Variants in GPATCH2 observed in about 807,000 individuals in gnomAD.
The protein encoded by GPATCH2 is G patch domain-containing protein 2.
Under a neutral mutation model 58.0 loss-of-function variants are expected in GPATCH2, and 51 were observed. The ratio of observed to expected loss-of-function variants is 0.88; its 90% CI spans 0.70 to 1.11. The LOEUF (loss-of-function observed/expected upper bound fraction) is 1.11. Ranked by LOEUF, GPATCH2 falls within the 50% of genes most tolerant of loss-of-function variation. GPATCH2 has a pLI of 0.00. For missense variants in GPATCH2, 625 were observed against 652.2 expected, an observed-to-expected ratio of 0.96 and a Z score of 0.45; for synonymous variants, 222 against 218.5, an observed-to-expected ratio of 1.02 and a Z score of -0.14.
chr1:217,485,537 T>C (rs1270050817), intron 8 of GPATCH2, among the ~76,000 whole-genome samples: 1 of 151,896 alleles, frequency 6.6e-6, no homozygotes, highest in Non-Finnish European at 1.5e-5. Context: ...CTTTCTCCAC[T>C]GACTTTGTAA....
At chr1:217,566,212 T>C (rs896811585) in intron 5 of GPATCH2, among the ~76,000 whole-genome samples, 5 of 150,862 alleles carry the variant, frequency 3.3e-5, no homozygotes, top group East Asian at 2.0e-4. Context: ...CTTATAAATA[T>C]AGAAATTTTA....
At chr1:217,478,585 G>A (rs138977359) in intron 8 of GPATCH2, among the ~76,000 whole-genome samples, 2,018 of 152,132 alleles carry the variant, frequency 0.013, 30 homozygotes, top group Non-Finnish European at 0.018. Flanking sequence ...ACAGTCAGAA[G>A]AGACAAAAGG....
intron 8 of GPATCH2, among the ~76,000 whole-genome samples, chr1:217,485,523 C>G (rs1661417242): frequency 6.7e-6 from 1 of 149,714 alleles, no homozygotes; most frequent in Non-Finnish European, 1.5e-5. Flanking sequence ...AAAAGACTGT[C>G]AAACTTTCTC....
At chr1:217,484,577 T>TATATAA (rs1553328485) in intron 8 of GPATCH2, among the ~76,000 whole-genome samples, 2 of 145,644 alleles carry the variant, frequency 1.4e-5, no homozygotes, top group African/African-American at 5.0e-5. Context: ...TATATATATA[T>TATATAA]GATGCACATA....
intron 2 of GPATCH2, 107 bp from the exon 3 acceptor site, chr1:217,614,309 A>C (rs1450198609): frequency 1.5e-6 from 1 of 667,904 alleles, no homozygotes; most frequent in Non-Finnish European, 2.7e-6. Context: ...AGCCTGACAA[A>C]GATCTGAAAG....
Position 217,482,675 on chromosome 1 carries a change from AAG to A in GPATCH2, c.1277+9003_1277+9004del, listed in dbSNP as rs527606632. 3.7e-4 allele frequency among the ~76,000 whole-genome samples: 57 copies of A among 152,294 alleles called. No individual in the cohort carries two copies. In the South Asian group the frequency reaches 0.011, roughly 29 times the overall value. On this transcript the variant is annotated intron_variant, in intron 8 of 9. Transcript: ENST00000366935. The stretch of plus-strand genomic sequence containing the variant: ...AGACTTCAGTTTTTACTTGGAATGA[AAG>A]AGAAAGCCACTAAAGATTTTATTTA...
chr1:217,565,841 C>T (rs1198882613), intron 5 of GPATCH2, among the ~76,000 whole-genome samples: 1 of 152,138 alleles, frequency 6.6e-6, no homozygotes, highest in African/African-American at 2.4e-5. Flanking sequence ...GTGGCTCATG[C>T]CTGTAATCCC....
chr1:217,527,568 C>T (rs190620809), intron 5 of GPATCH2, among the ~76,000 whole-genome samples: 5 of 151,574 alleles, frequency 3.3e-5, no homozygotes, highest in East Asian at 1.9e-4. Flanking sequence ...CAAGCCACTA[C>T]GTGCCTTTCT....
At chr1:217,592,679 T>C (rs1667645355) in intron 5 of GPATCH2, among the ~76,000 whole-genome samples, 1 of 151,922 alleles carries the variant, frequency 6.6e-6, no homozygotes, top group Admixed American at 6.6e-5. Context: ...TAGGGTACAT[T>C]ATAAAAACAA....
At chr1:217,446,173 T>A (rs1259416922) in intron 9 of GPATCH2, among the ~76,000 whole-genome samples, 1 of 152,160 alleles carries the variant, frequency 6.6e-6, no homozygotes, top group Non-Finnish European at 1.5e-5. Context: ...AAGACTGTTA[T>A]CATCTGCATT....
chr1:217,516,152 C>T (rs970433199), intron 5 of GPATCH2, among the ~76,000 whole-genome samples: 8 of 150,596 alleles, frequency 5.3e-5, no homozygotes, highest in African/African-American at 2.0e-4. Flanking sequence ...TAGCACTGTA[C>T]AAGAATGAAT....
At chr1:217,546,830 G>A (rs1037153151) in intron 5 of GPATCH2, among the ~76,000 whole-genome samples, 6 of 152,176 alleles carry the variant, frequency 3.9e-5, no homozygotes, top group African/African-American at 1.2e-4. Context: ...CAAAATTTTT[G>A]TAAACTTTGC....
rs114113077 is a variant in GPATCH2 at position 217,488,843 on chromosome 1, C to T, written c.1277+2837G>A. ...TGTAGCTGGGACTACAGACATGCAC[C>T]GCCATAGACTATTTAAAATTTTTTT... On this transcript the variant is annotated intron_variant, in intron 8 of 9. Transcript: ENST00000366935. Among the ~76,000 whole-genome samples the T allele has an allele frequency of 5.7e-3, 857 of 151,056 alleles. 6 individuals carry two copies. Among genetic ancestry groups the T allele is most frequent in the Non-Finnish European group, 1.0e-2 (676 of 67,938 alleles).
intron 5 of GPATCH2, among the ~76,000 whole-genome samples, chr1:217,570,968 A>G (rs938814892): frequency 1.3e-5 from 2 of 152,224 alleles, no homozygotes; most frequent in Non-Finnish European, 2.9e-5. Context: ...TAGGCAAAGA[A>G]AACTGATTAA....
intron 9 of GPATCH2, among the ~76,000 whole-genome samples, chr1:217,435,757 G>T (rs999796543): frequency 6.6e-6 from 1 of 152,110 alleles, no homozygotes; most frequent in South Asian, 2.1e-4. Context: ...ATGGATTTTT[G>T]ATTATTATTA....
intron 1 of GPATCH2, among the ~76,000 whole-genome samples, chr1:217,630,414 A>C (rs765610408): frequency 6.6e-6 from 1 of 152,184 alleles, no homozygotes; most frequent in Non-Finnish European, 1.5e-5. Flanking sequence ...TTTAACTTGA[A>C]TAGAATGTTC....
At chr1:217,479,860 G>C (rs1013343681) in intron 8 of GPATCH2, among the ~76,000 whole-genome samples, 1 of 152,094 alleles carries the variant, frequency 6.6e-6, no homozygotes, top group Non-Finnish European at 1.5e-5. Flanking sequence ...AGCAGGAATA[G>C]CTATATTTAT....
At chr1:217,478,315 C>A (rs569067231) in intron 8 of GPATCH2, among the ~76,000 whole-genome samples, 1 of 151,804 alleles carries the variant, frequency 6.6e-6, no homozygotes, top group Non-Finnish European at 1.5e-5. Flanking sequence ...AAATAAGGCA[C>A]GAGGGACCAT....
At chr1:217,566,442 C>A (rs115056722) in intron 5 of GPATCH2, among the ~76,000 whole-genome samples, 2,256 of 152,194 alleles carry the variant, frequency 0.015, 61 homozygotes, top group African/African-American at 0.052. Flanking sequence ...TTACAGATCT[C>A]CTTTTTGTAT....
Sources: allele counts gnomAD v4.1 joint callset (sites outside exome capture counted in the v4.1 genomes callset), GRCh38; gene constraint gnomAD v4.1.1; transcripts MANE v1.5; gene names NCBI Gene and HGNC (gene_info 2026-07-23, HGNC 2026-07-21).